The following SPOCK1 variants were observed in gnomAD, a reference collection of about 807,000 sequenced individuals.
The protein encoded by SPOCK1 is SPARC (osteonectin), cwcv and kazal like domains proteoglycan 1, also known as testican-1.
SPOCK1 carries 23 observed loss-of-function variants against 55.3 expected under a neutral mutation model. That is an observed-to-expected ratio of 0.42 (90% CI 0.30 to 0.59). SPOCK1 has a LOEUF of 0.59. SPOCK1 is among the 20% of genes least tolerant of loss of function. The pLI is 0.22. For synonymous variants in SPOCK1, 226 were observed against 221.0 expected, an observed-to-expected ratio of 1.02 and a Z score of -0.20; for missense variants, 499 against 552.5, an observed-to-expected ratio of 0.90 and a Z score of 0.97.
intron 7 of SPOCK1, among the ~76,000 whole-genome samples, chr5:136,990,451 C>T (rs559463457): frequency 4.0e-5 from 6 of 151,544 alleles, no homozygotes; most frequent in East Asian, 1.9e-4. Flanking sequence ...TGTTGGGAGA[C>T]GTTTTCTAGC....
At chr5:137,098,032 A>T (rs1001038565) in intron 5 of SPOCK1, among the ~76,000 whole-genome samples, 1 of 152,188 alleles carries the variant, frequency 6.6e-6, no homozygotes, top group Admixed American at 6.5e-5. Context: ...GCTACAAAAG[A>T]TCCTTCAGAC....
intron 3 of SPOCK1, among the ~76,000 whole-genome samples, chr5:137,245,618 G>T (rs1056756545): frequency 2.0e-4 from 31 of 152,230 alleles, no homozygotes; most frequent in African/African-American, 7.2e-4. Flanking sequence ...GAGGGCTTCC[G>T]CTTTGCAAAG....
chr5:137,243,028 A>G (rs1200319695), intron 3 of SPOCK1, among the ~76,000 whole-genome samples: 1 of 152,164 alleles, frequency 6.6e-6, no homozygotes, highest in African/African-American at 2.4e-5. Context: ...TCATTCCTGA[A>G]CCAACTGAAT....
intron 4 of SPOCK1, among the ~76,000 whole-genome samples, chr5:137,139,677 T>C (rs1000950879): frequency 6.6e-6 from 1 of 152,106 alleles, no homozygotes; most frequent in Non-Finnish European, 1.5e-5. Context: ...ACTTGGGAAC[T>C]GGACATGGGC....
rs550700239 is a variant in SPOCK1 at position 137,466,569 on chromosome 5, T to A, written c.186+31804A>T. The stretch of plus-strand genomic sequence containing the variant: ...GCAGACTCCAGGATCACACTCCCAG[T>A]GCTCTGCCAAGGCCTTAGACAAGTT... On this transcript the variant is annotated intron_variant, in intron 2 of 10. Coordinates refer to ENST00000394945, the MANE Select transcript of SPOCK1 (RefSeq NM_004598.4). Among the ~76,000 whole-genome samples the A allele has an allele frequency of 2.8e-4, 42 of 152,336 alleles. No homozygotes were observed. The South Asian group carries it at 3.5e-3, about 13-fold the overall frequency.
intron 2 of SPOCK1, among the ~76,000 whole-genome samples, chr5:137,362,151 T>C (rs539899515): frequency 3.3e-4 from 50 of 152,176 alleles, no homozygotes; most frequent in Non-Finnish European, 6.5e-4. Context: ...AGCACAAACA[T>C]GTTCATCAAG....
intron 2 of SPOCK1, among the ~76,000 whole-genome samples, chr5:137,466,120 A>T (rs573614801): frequency 6.6e-6 from 1 of 152,372 alleles, no homozygotes; most frequent in Non-Finnish European, 1.5e-5. Flanking sequence ...GCAAACAATT[A>T]CTCGATTTAA....
intron 2 of SPOCK1, among the ~76,000 whole-genome samples, chr5:137,271,641 T>C (rs1756966532): frequency 6.6e-6 from 1 of 152,186 alleles, no homozygotes; most frequent in Non-Finnish European, 1.5e-5. Flanking sequence ...AAATGACTGA[T>C]GCAATTTAGC....
chr5:137,067,728 C>T lies in SPOCK1; in HGVS notation c.576G>A (p.Lys192=). 6.2e-7 allele frequency: 1 copy of T among 1,614,012 alleles called. No individual in the cohort carries two copies. Among genetic ancestry groups the T allele is most frequent in the East Asian group, 2.2e-5 (1 of 44,888 alleles). The part of the protein sequence containing the change: ...CLPEPEPPKH[K]AERSACTDKE... The stretch of plus-strand genomic sequence containing the variant: ...ACCCTCACTCACCACTCCTTTCTGC[C>T]TTGTGCTTTGGTGGCTCAGGCTCTG... The change falls in exon 6 of 11, where the codon AAG becomes AAA. Residue 192 remains lysine, a synonymous_variant. Coordinates refer to ENST00000394945, the MANE Select transcript of SPOCK1 (RefSeq NM_004598.4).
At chr5:137,190,064 G>C in intron 3 of SPOCK1, among the ~76,000 whole-genome samples, 1 of 149,030 alleles carries the variant, frequency 6.7e-6, no homozygotes, top group Non-Finnish European at 1.5e-5. Context: ...CTATGGATGA[G>C]AAAAGAAAGT....
At chr5:137,448,599 T>C (rs532565512) in intron 2 of SPOCK1, among the ~76,000 whole-genome samples, 1 of 152,338 alleles carries the variant, frequency 6.6e-6, no homozygotes, top group South Asian at 2.1e-4. Context: ...GGTAAGAATG[T>C]ATGAGTGACA....
intron 6 of SPOCK1, among the ~76,000 whole-genome samples, chr5:137,053,689 C>G (rs1011373621): frequency 6.6e-6 from 1 of 151,808 alleles, no homozygotes. Context: ...TTAGGCTTGG[C>G]ATCTTGTGGC....
chr5:137,308,261 T>C (rs1484971527), intron 2 of SPOCK1, among the ~76,000 whole-genome samples: 1 of 152,260 alleles, frequency 6.6e-6, no homozygotes, highest in African/African-American at 2.4e-5. Flanking sequence ...AGTTGACTGA[T>C]TCTCATCCTT....
chr5:136,992,558 T>C lies in SPOCK1; in HGVS notation c.632A>G (p.Lys211Arg), dbSNP rs1750968908. Residue 211 changes from lysine to arginine, a missense_variant, in exon 7 of 11, where the codon AAG becomes AGG. By Grantham distance (26) the Lys-to-Arg change is conservative. This residue lies in a region of SPOCK1 where 386 missense variants were observed against 400.6 expected (regional missense o/e 0.96). Transcript: ENST00000394945. ...CTCGTGGAGAGCTCCAAACCAATCC[T>C]TCAGCCGGGAGGCAAGGTTCCGCAA... is the stretch of plus-strand genomic sequence containing the variant. ...KELRNLASRL[K>R]DWFGALHEDA... 6.2e-7 allele frequency: 1 copy of C among 1,613,830 alleles called. No homozygotes were observed. Among genetic ancestry groups the C allele is most frequent in the East Asian group, 2.2e-5 (1 of 44,856 alleles).
intron 4 of SPOCK1, among the ~76,000 whole-genome samples, chr5:137,115,893 G>A (rs561252442): frequency 1.3e-5 from 2 of 152,278 alleles, no homozygotes; most frequent in Admixed American, 1.3e-4. Flanking sequence ...ACCCAGTCAA[G>A]GCAAGGGACT....
intron 2 of SPOCK1, among the ~76,000 whole-genome samples, chr5:137,420,311 A>C (rs1644501636): frequency 6.6e-6 from 1 of 152,212 alleles, no homozygotes; most frequent in Non-Finnish European, 1.5e-5. Context: ...CTGGCCTCAT[A>C]AAATGAGTTA....
At position 137,066,903 on chromosome 5, in the gene SPOCK1, G is replaced by A. The variant is rs556672966; in HGVS notation, c.589+812C>T. 1.1e-4 allele frequency among the ~76,000 whole-genome samples: 16 copies of A among 149,744 alleles called. No individual in the cohort carries two copies. The East Asian group carries it at 2.4e-3, about 22-fold the overall frequency. On this transcript the variant is annotated intron_variant, in intron 6 of 10. Coordinates refer to ENST00000394945, the MANE Select transcript of SPOCK1 (RefSeq NM_004598.4). ...CTTATAAAGAGCCAGATAGATAAAC[G>A]CTCATACCCCATTCATTCCACTCCA...
At chr5:137,129,263 T>C (rs1753831133) in intron 4 of SPOCK1, among the ~76,000 whole-genome samples, 1 of 152,220 alleles carries the variant, frequency 6.6e-6, no homozygotes, top group African/African-American at 2.4e-5. Flanking sequence ...CATAGGGCCT[T>C]TGCAGAGGCT....
intron 3 of SPOCK1, among the ~76,000 whole-genome samples, chr5:137,249,403 A>T (rs995871548): frequency 6.6e-6 from 1 of 152,246 alleles, no homozygotes; most frequent in Non-Finnish European, 1.5e-5. Flanking sequence ...TACACGACAC[A>T]GAATACTATG....
Sources: allele counts gnomAD v4.1 joint callset (sites outside exome capture counted in the v4.1 genomes callset), GRCh38; gene constraint gnomAD v4.1.1; regional missense constraint gnomAD v4.1.1; transcripts MANE v1.5; gene names NCBI Gene and HGNC (gene_info 2026-07-23, HGNC 2026-07-21).